TMEM135: variants seen among roughly 807,000 people sequenced by gnomAD.
The protein encoded by TMEM135 is peroxisomal membrane protein 52.
A neutral mutation model predicts 60.3 loss-of-function variants in TMEM135; 30 were observed. The observed-to-expected ratio is 0.50, with a 90% confidence interval of 0.37 to 0.68. The LOEUF (loss-of-function observed/expected upper bound fraction) is 0.68. Ranked by LOEUF, TMEM135 falls within the 30% of genes least tolerant of loss-of-function variation. The pLI is 0.00. For synonymous variants in TMEM135, 190 were observed against 186.7 expected (o/e 1.02, Z -0.14); for missense variants, 468 against 548.8 (o/e 0.85, Z 1.47).
At chr11:87,206,518 A>G (rs1002158474) in intron 5 of TMEM135, among the ~76,000 whole-genome samples, 6 of 152,166 alleles carry the variant, frequency 3.9e-5, no homozygotes, top group African/African-American at 1.4e-4. Flanking sequence ...AAAACAGTAT[A>G]AAAATGAATC....
chr11:87,088,391 C>T (rs1857140345), intron 3 of TMEM135, among the ~76,000 whole-genome samples: 1 of 152,050 alleles, frequency 6.6e-6, no homozygotes, highest in Admixed American at 6.6e-5. Context: ...AACTATATTA[C>T]CCTATGTTAA....
intron 4 of TMEM135, among the ~76,000 whole-genome samples, chr11:87,145,020 A>G (rs1211519435): frequency 1.3e-5 from 2 of 152,106 alleles, no homozygotes; most frequent in Admixed American, 6.6e-5. Context: ...TATCAACTGT[A>G]TTCACCATGT....
chr11:87,166,546 A>G (rs1314376788), intron 5 of TMEM135, among the ~76,000 whole-genome samples: 2 of 151,744 alleles, frequency 1.3e-5, no homozygotes, highest in Non-Finnish European at 2.9e-5. Flanking sequence ...TCCCAACACC[A>G]TTTATTAAAT....
intron 4 of TMEM135, among the ~76,000 whole-genome samples, chr11:87,120,598 G>A (rs566842761): frequency 7.8e-4 from 116 of 149,462 alleles, no homozygotes; most frequent in African/African-American, 2.6e-3. Flanking sequence ...CAGCCTCGTA[G>A]TTGGGACTAC....
chr11:87,272,256 A>G (rs1394227189), intron 6 of TMEM135, among the ~76,000 whole-genome samples: 2 of 151,616 alleles, frequency 1.3e-5, no homozygotes, highest in Non-Finnish European at 2.9e-5. Context: ...GGGTTTCACC[A>G]GGTTGGTCAG....
At chr11:87,320,355 T>A (rs1210119391) in intron 14 of TMEM135, among the ~76,000 whole-genome samples, 1 of 152,190 alleles carries the variant, frequency 6.6e-6, no homozygotes, top group Non-Finnish European at 1.5e-5. Context: ...TCACTGTAGA[T>A]CCTTTACATT....
chr11:87,230,360 C>T (rs371667125), intron 5 of TMEM135, among the ~76,000 whole-genome samples: 10 of 152,158 alleles, frequency 6.6e-5, no homozygotes, highest in African/African-American at 2.4e-4. Context: ...CAGAATTACT[C>T]ATCCTTCTGA....
intron 2 of TMEM135, among the ~76,000 whole-genome samples, chr11:87,069,035 G>C (rs1377174706): frequency 1.5e-5 from 2 of 136,526 alleles, no homozygotes; most frequent in Non-Finnish European, 1.6e-5. Context: ...CGGGCGCGGT[G>C]GCTCACGCCT....
chr11:87,074,507 C>G (rs970554930), intron 3 of TMEM135, among the ~76,000 whole-genome samples: 1 of 152,054 alleles, frequency 6.6e-6, no homozygotes, highest in Non-Finnish European at 1.5e-5. Flanking sequence ...ATCAAGGTAG[C>G]TACTATTTAC....
rs1555106784 is a variant in TMEM135 at position 87,122,437 on chromosome 11, ATATTTATT to A, written c.396+31063_396+31070del. Among the ~76,000 whole-genome samples the A allele has an allele frequency of 2.1e-4, 31 of 144,946 alleles. 2 individuals carry two copies. The South Asian group carries it at 2.8e-3, about 13-fold the overall frequency. On this transcript the variant is annotated intron_variant, in intron 4 of 14. Transcript: ENST00000305494. The stretch of plus-strand genomic sequence containing the variant: ...TTTGTTCATTTATCATTTAGTTTTT[ATATTTATT>A]TATTTATTTATTTATTTATTATTTA...
Position 87,236,598 on chromosome 11 carries a change from A to C in TMEM135, c.463-40A>C, listed in dbSNP as rs1033193512. 3 of 1,581,994 alleles carry C rather than the reference A, an allele frequency of 1.9e-6. No homozygotes were observed. The Admixed American group carries it at 5.0e-5, about 26-fold the overall frequency. On this transcript the variant is annotated intron_variant, in intron 5 of 14. Transcript: ENST00000305494. Reference sequence around the variant, plus strand: ...TATGAGTCACTCAAATGGTGATGTCAGTGTTCTTTTGCAAGTAATATATTT... The same window carrying C: ...TATGAGTCACTCAAATGGTGATGTCCGTGTTCTTTTGCAAGTAATATATTT...
chr11:87,122,184 A>T (rs1303900879), intron 4 of TMEM135, among the ~76,000 whole-genome samples: 1 of 152,014 alleles, frequency 6.6e-6, no homozygotes, highest in East Asian at 1.9e-4. Flanking sequence ...TATTAAAGCA[A>T]ATTAATAGTT....
rs139296641 is a variant in TMEM135 at position 87,260,448 on chromosome 11, C to A, written c.509+23764C>A. 5.8e-3 allele frequency among the ~76,000 whole-genome samples: 880 copies of A among 152,252 alleles called. 17 individuals carry two copies. The highest frequency in any genetic ancestry group is 0.02 in the African/African-American group (831 of 41,550). On this transcript the variant is annotated intron_variant, in intron 6 of 14. Coordinates refer to ENST00000305494, the MANE Select transcript of TMEM135 (RefSeq NM_022918.4). ...AAACACGTAGAGACATTTATTATAG[C>A]AAGCCTAACTTGTTGAAATTACTTG...
intron 4 of TMEM135, among the ~76,000 whole-genome samples, chr11:87,139,385 A>G (rs1315324551): frequency 6.6e-6 from 1 of 152,174 alleles, no homozygotes; most frequent in Admixed American, 6.5e-5. Context: ...GACTATAAGC[A>G]CAATCAAGAT....
At chr11:87,079,471 T>C (rs1224880970) in intron 3 of TMEM135, among the ~76,000 whole-genome samples, 1 of 152,226 alleles carries the variant, frequency 6.6e-6, no homozygotes, top group African/African-American at 2.4e-5. Context: ...TTTTGTGTTT[T>C]ATCTTGACTT....
At chr11:87,166,812 T>A (rs1939063525) in intron 5 of TMEM135, among the ~76,000 whole-genome samples, 1 of 151,902 alleles carries the variant, frequency 6.6e-6, no homozygotes. Flanking sequence ...CCATATGAAA[T>A]TTAAAGTAGT....
At chr11:87,236,725 G>T (rs1941004881) in intron 6 of TMEM135, 41 bp downstream of exon 6, 2 of 1,550,604 alleles carry the variant, frequency 1.3e-6, no homozygotes, top group African/African-American at 2.7e-5. Flanking sequence ...ACCCCAAACA[G>T]TATCTCTTTG....
intron 11 of TMEM135, 77 bp downstream of exon 11, chr11:87,313,565 C>A: frequency 1.7e-6 from 2 of 1,207,354 alleles, no homozygotes; most frequent in African/African-American, 1.5e-5. Context: ...CCATCCAATT[C>A]ATCCAATTTC....
At position 87,245,157 on chromosome 11, in the gene TMEM135, G is replaced by T. The variant is rs865983718; in HGVS notation, c.509+8473G>T. Among the ~76,000 whole-genome samples, 140 of 148,186 alleles carry T rather than the reference G, an allele frequency of 9.4e-4. 3 individuals are homozygous for T. Among genetic ancestry groups the T allele is most frequent in the Middle Eastern group, 6.8e-3 (2 of 292 alleles). On this transcript the variant is annotated intron_variant, in intron 6 of 14. Coordinates refer to ENST00000305494, the MANE Select transcript of TMEM135 (RefSeq NM_022918.4). The stretch of plus-strand genomic sequence containing the variant: ...TTGTTCAGTTTCCATGTAGTTGAGC[G>T]GTTTTGAGTGAGTTTCTTAATCCTG...
Sources: allele counts gnomAD v4.1 joint callset (sites outside exome capture counted in the v4.1 genomes callset), GRCh38; gene constraint gnomAD v4.1.1; transcripts MANE v1.5; gene names NCBI Gene and HGNC (gene_info 2026-07-23, HGNC 2026-07-21).